Variants in PCDH11X observed in about 807,000 individuals in gnomAD.
PCDH11X encodes the protein protocadherin 11 X-linked, also known as protocadherin-11 X-linked.
A neutral mutation model predicts 53.3 loss-of-function variants in PCDH11X; 18 were observed. The ratio of observed to expected loss-of-function variants is 0.34; its 90% CI spans 0.23 to 0.50. The LOEUF (loss-of-function observed/expected upper bound fraction) is 0.50, where lower values mean the gene tolerates loss of function less well. PCDH11X is among the 20% of genes least tolerant of loss of function. PCDH11X has a pLI of 0.98. For synonymous variants in PCDH11X, 279 were observed against 393.3 expected (o/e 0.71, Z 3.44); for missense variants, 570 against 1,032.4 (o/e 0.55, Z 6.14).
chrX:92,084,718 G>T (rs1174704731), intron 6 of PCDH11X, among the ~76,000 whole-genome samples: 1 of 111,139 alleles, frequency 9.0e-6, no homozygotes, highest in African/African-American at 3.3e-5. Flanking sequence ...CACTTGGTTG[G>T]ACTACCAGTG....
intron 9 of PCDH11X, among the ~76,000 whole-genome samples, chrX:92,392,105 G>T: frequency 9.0e-6 from 1 of 110,679 alleles, no homozygotes. Context: ...GTTATAGCTG[G>T]TCTAGTGTCT....
At chrX:92,616,735 T>C (rs946986826) in intron 10 of PCDH11X, among the ~76,000 whole-genome samples, 4 of 108,159 alleles carry the variant, frequency 3.7e-5, no homozygotes, top group African/African-American at 1.3e-4. Context: ...CCATAAATTA[T>C]AGCATCAGCT....
At chrX:92,346,896 AT>A (rs1315124990) in intron 8 of PCDH11X, among the ~76,000 whole-genome samples, 1 of 111,569 alleles carries the variant, frequency 9.0e-6, no homozygotes, top group African/African-American at 3.2e-5. Flanking sequence ...TAGAAAATGT[AT>A]TACATGGTAT....
At position 92,078,121 on chromosome X, in the gene PCDH11X, A is replaced by G. The variant is rs747818825; in HGVS notation, c.3034-123254A>G. Among the ~76,000 whole-genome samples the G allele has an allele frequency of 2.7e-5, 3 of 109,408 alleles. No homozygotes were observed. The East Asian group carries it at 8.6e-4, about 32-fold the overall frequency. On this transcript the variant is annotated intron_variant, in intron 6 of 10. Coordinates refer to ENST00000682573, the MANE Select transcript of PCDH11X (RefSeq NM_032968.5). ...TTCTGCGTACCTGTTATCACCAGTTATAAAAAAAAATTGTCTCTTTATTGA... is the reference window on the plus strand; with the variant it reads ...TTCTGCGTACCTGTTATCACCAGTTGTAAAAAAAAATTGTCTCTTTATTGA...
chrX:92,568,147 C>A (rs1221420921), intron 10 of PCDH11X, among the ~76,000 whole-genome samples: 10 of 109,848 alleles, frequency 9.1e-5, no homozygotes, highest in Non-Finnish European at 1.9e-4. Flanking sequence ...ATAGGCTGGG[C>A]CCAGTGGCTC....
intron 10 of PCDH11X, among the ~76,000 whole-genome samples, chrX:92,575,457 T>G (rs1032363017): frequency 9.1e-6 from 1 of 109,336 alleles, no homozygotes; most frequent in Non-Finnish European, 1.9e-5. Context: ...GAAAATAAGG[T>G]GATGTGCAAA....
intron 6 of PCDH11X, among the ~76,000 whole-genome samples, chrX:91,959,286 C>CT (rs993719800): frequency 1.3e-4 from 14 of 108,880 alleles, no homozygotes; most frequent in Non-Finnish European, 2.1e-4. Context: ...AATAGTTATC[C>CT]TTTTTTTTTC....
At chrX:92,256,952 A>G (rs1282870661) in intron 7 of PCDH11X, among the ~76,000 whole-genome samples, 1 of 111,168 alleles carries the variant, frequency 9.0e-6, no homozygotes, top group East Asian at 2.9e-4. Context: ...CAGCATGTGT[A>G]TTAGTCCATT....
chrX:92,554,469 C>T (rs1346495841), intron 10 of PCDH11X, among the ~76,000 whole-genome samples: 7 of 110,130 alleles, frequency 6.4e-5, no homozygotes, highest in Admixed American at 2.9e-4. Context: ...ATGGCATAAC[C>T]TAGTTGAAGC....
intron 8 of PCDH11X, among the ~76,000 whole-genome samples, chrX:92,264,289 T>C (rs770702403): frequency 2.7e-5 from 3 of 111,754 alleles, no homozygotes; most frequent in Non-Finnish European, 5.6e-5. Flanking sequence ...TGTAAATCAA[T>C]ATATCTTTCG....
chrX:92,534,506 C>A (rs2074620175), intron 10 of PCDH11X, among the ~76,000 whole-genome samples: 1 of 111,330 alleles, frequency 9.0e-6, no homozygotes, highest in African/African-American at 3.3e-5. Flanking sequence ...GGAGAACTTC[C>A]CCAACCTAGC....
rs6618874 is a variant in PCDH11X at position 92,143,980 on chromosome X, G to T, written c.3034-57395G>T. The stretch of plus-strand genomic sequence containing the variant: ...TATGTGAGACCTGGAGTCAAAGGAG[G>T]TCATTTTGGAGCTTTAAAATTTGAC... On this transcript the variant is annotated intron_variant, in intron 6 of 10. Coordinates refer to ENST00000682573, the MANE Select transcript of PCDH11X (RefSeq NM_032968.5). Among the ~76,000 whole-genome samples the T allele has an allele frequency of 0.01, 1,163 of 111,975 alleles. 67 individuals carry two copies. In the East Asian group the frequency reaches 0.24, roughly 23 times the overall value.
intron 6 of PCDH11X, among the ~76,000 whole-genome samples, chrX:91,964,172 T>A (rs796750393): frequency 1.1e-5 from 1 of 93,940 alleles, no homozygotes; most frequent in African/African-American, 5.7e-5. Flanking sequence ...AAGAAGACAT[T>A]AATAGATATC....
rs1032054271 is a variant in PCDH11X, at chrX:92,424,055, G to A, written c.3343+36122G>A. Among the ~76,000 whole-genome samples the A allele has an allele frequency of 4.1e-5, 4 of 96,591 alleles. 1 individual carries two copies. The highest frequency in any genetic ancestry group is 9.1e-5 in the Non-Finnish European group (4 of 43,863). The allele number at this position is 96,591 out of a possible 115,157, so 83.9% of individuals were successfully genotyped here. On this transcript the variant is annotated intron_variant, in intron 9 of 10. Transcript: ENST00000682573. ...GGTGGAATCTGATGGGAATTGTATT[G>A]AATTTGTAGATTGCTTTTGGCAGCA...
intron 6 of PCDH11X, among the ~76,000 whole-genome samples, chrX:92,127,167 C>T (rs2064881855): frequency 9.1e-6 from 1 of 110,155 alleles, no homozygotes; most frequent in Non-Finnish European, 1.9e-5. Context: ...TTGCCAAGCC[C>T]CTATGTATAT....
intron 10 of PCDH11X, among the ~76,000 whole-genome samples, chrX:92,581,602 C>T (rs35146350): frequency 3.6e-5 from 4 of 111,869 alleles, no homozygotes; most frequent in Non-Finnish European, 5.6e-5. Flanking sequence ...TACCCAGTCT[C>T]GGGCATGTCT....
At chrX:91,909,007 A>T (rs2147798347) in intron 6 of PCDH11X, among the ~76,000 whole-genome samples, 1 of 111,523 alleles carries the variant, frequency 9.0e-6, no homozygotes, top group South Asian at 3.8e-4. Context: ...AATATAAATT[A>T]TTCTATTATA....
chrX:92,268,066 A>G (rs2067871539), intron 8 of PCDH11X, among the ~76,000 whole-genome samples: 1 of 112,232 alleles, frequency 8.9e-6, no homozygotes, highest in Non-Finnish European at 1.9e-5. Flanking sequence ...CATAGCAGTA[A>G]CACTGAGATT....
intron 7 of PCDH11X, among the ~76,000 whole-genome samples, chrX:92,215,060 C>A (rs912805234): frequency 4.5e-5 from 5 of 111,143 alleles, no homozygotes; most frequent in African/African-American, 1.6e-4. Context: ...AAAGAAAACA[C>A]TGGGGAAGCA....
Sources: allele counts gnomAD v4.1 joint callset (sites outside exome capture counted in the v4.1 genomes callset), GRCh38; gene constraint gnomAD v4.1.1; transcripts MANE v1.5; gene names NCBI Gene and HGNC (gene_info 2026-07-23, HGNC 2026-07-21).